The following HIVEP3 variants were observed in gnomAD, a reference collection of about 807,000 sequenced individuals.
HIVEP3 encodes transcription factor HIVEP3.
Under a neutral mutation model 152.8 loss-of-function variants are expected in HIVEP3, and 49 were observed. The observed-to-expected ratio is 0.32, with a 90% CI of 0.26 to 0.41. HIVEP3 has a LOEUF of 0.41. HIVEP3 is among the 10% of genes least tolerant of loss of function. HIVEP3 has a pLI of 1.00. For missense variants in HIVEP3, 2,790 were observed against 3,103.3 expected (o/e 0.90, Z 2.40); for synonymous variants, 1,269 against 1,289.0 (o/e 0.98, Z 0.33).
At chr1:41,879,500 G>A (rs1027609358) in intron 1 of HIVEP3, among the ~76,000 whole-genome samples, 1 of 152,148 alleles carries the variant, frequency 6.6e-6, no homozygotes, top group Non-Finnish European at 1.5e-5. Flanking sequence ...TTTCCTTATT[G>A]AAGCCAATTA....
At chr1:41,585,628 G>A (rs1253223450) in intron 3 of HIVEP3, among the ~76,000 whole-genome samples, 1 of 152,212 alleles carries the variant, frequency 6.6e-6, no homozygotes, top group Non-Finnish European at 1.5e-5. Context: ...CTGCAGGGTG[G>A]TTAGGGACAG....
chr1:41,879,372 G>A (rs1644225572), intron 1 of HIVEP3, among the ~76,000 whole-genome samples: 1 of 152,172 alleles, frequency 6.6e-6, no homozygotes, highest in South Asian at 2.1e-4. Flanking sequence ...ATCCCTATAA[G>A]GGTTGGTTTC....
chr1:41,809,791 A>G (rs1379192662), intron 1 of HIVEP3, among the ~76,000 whole-genome samples: 1 of 152,184 alleles, frequency 6.6e-6, no homozygotes, highest in Non-Finnish European at 1.5e-5. Flanking sequence ...ATGGGGAACA[A>G]GTGAATGGGA....
chr1:41,783,488 C>A (rs951137867), intron 1 of HIVEP3, among the ~76,000 whole-genome samples: 1 of 152,130 alleles, frequency 6.6e-6, no homozygotes, highest in African/African-American at 2.4e-5. Flanking sequence ...GGGAGGGAAG[C>A]AATGTGGCAT....
Position 41,510,680 on chromosome 1 carries a change from C to T in HIVEP3, c.6992G>A (p.Arg2331His), listed in dbSNP as rs150109831. Residue 2331 changes from arginine (R) to histidine (H), a missense_variant, in exon 9 of 9, where the codon CGC (arginine) becomes CAC (histidine). By Grantham distance (29) the Arg-to-His change is conservative. Around this residue, in one of 9 missense-constraint regions of HIVEP3, gnomAD observed 816 missense variants for 806.5 expected, o/e 1.01. Coordinates refer to ENST00000372583, the MANE Select transcript of HIVEP3 (RefSeq NM_024503.5). ...GGTCGGTGCACGCGGGGACTCCAAG[C>T]GGGGGCTCCAGGACTGCGCTGCCCG... ...GRRAAQSWSPRLESPRAPTNP... is the reference protein window; with the variant it reads ...GRRAAQSWSPHLESPRAPTNP... 4.2e-3 allele frequency: 6,325 copies of T among 1,522,860 alleles called. 131 individuals are homozygous for T. In the African/African-American group the frequency reaches 0.054, roughly 13 times the overall value. 94.3% of individuals were successfully genotyped at this position (1,522,860 alleles called of 1,614,324 possible). A position where few individuals can be genotyped will look rare whatever the true frequency, so the allele number is the denominator to read the frequency against.
At chr1:42,002,982 A>C (rs1645436952) in intron 1 of HIVEP3, among the ~76,000 whole-genome samples, 1 of 152,218 alleles carries the variant, frequency 6.6e-6, no homozygotes, top group South Asian at 2.1e-4. Context: ...ATTCAGTATT[A>C]TCTTTTAGAG....
intron 1 of HIVEP3, among the ~76,000 whole-genome samples, chr1:41,983,638 C>A (rs1645306402): frequency 6.6e-6 from 1 of 152,056 alleles, no homozygotes; most frequent in Admixed American, 6.5e-5. Flanking sequence ...CCTGAAGCCA[C>A]AAGTCACGCA....
intron 8 of HIVEP3, among the ~76,000 whole-genome samples, chr1:41,512,137 C>T (rs1018224946): frequency 6.6e-6 from 1 of 152,016 alleles, no homozygotes; most frequent in Non-Finnish European, 1.5e-5. Context: ...GGCCACACCC[C>T]TTGCAAGTGA....
intron 1 of HIVEP3, among the ~76,000 whole-genome samples, chr1:42,014,500 C>T (rs1461875632): frequency 6.6e-6 from 1 of 152,084 alleles, no homozygotes; most frequent in Non-Finnish European, 1.5e-5. Context: ...GACAACAGAG[C>T]ACAAATAAAG....
At chr1:41,800,919 A>G (rs1650264848) in intron 1 of HIVEP3, among the ~76,000 whole-genome samples, 1 of 152,158 alleles carries the variant, frequency 6.6e-6, no homozygotes, top group East Asian at 1.9e-4. Flanking sequence ...TTACCTGCCT[A>G]CCTAAACTCC....
chr1:41,991,868 C>T (rs1191471286), intron 1 of HIVEP3, among the ~76,000 whole-genome samples: 2 of 123,428 alleles, frequency 1.6e-5, no homozygotes, highest in Non-Finnish European at 1.7e-5. Flanking sequence ...AAATGTAATC[C>T]AGCATATAAA....
chr1:41,577,120 T>A (rs577524253), intron 4 of HIVEP3, among the ~76,000 whole-genome samples: 1 of 152,270 alleles, frequency 6.6e-6, no homozygotes, highest in African/African-American at 2.4e-5. Flanking sequence ...AGGAGGCTGG[T>A]TTGGGTGGCA....
chr1:41,830,900 G>A (rs896262751), intron 1 of HIVEP3, among the ~76,000 whole-genome samples: 1 of 152,242 alleles, frequency 6.6e-6, no homozygotes, highest in Middle Eastern at 3.4e-3. Context: ...ATCCCTACGC[G>A]TTCGTGACTC....
At chr1:41,932,012 G>A (rs991751034) in intron 1 of HIVEP3, among the ~76,000 whole-genome samples, 9 of 151,538 alleles carry the variant, frequency 5.9e-5, no homozygotes, top group African/African-American at 2.2e-4. Context: ...AGAACATCTT[G>A]CATTGTTTTT....
At chr1:41,936,228 C>G (rs934413729) in intron 1 of HIVEP3, among the ~76,000 whole-genome samples, 6 of 152,126 alleles carry the variant, frequency 3.9e-5, no homozygotes, top group African/African-American at 1.4e-4. Context: ...CAACCTATTG[C>G]AAGTCAAGAT....
intron 1 of HIVEP3, among the ~76,000 whole-genome samples, chr1:41,956,466 C>T (rs1246548471): frequency 6.6e-6 from 1 of 152,216 alleles, no homozygotes; most frequent in Admixed American, 6.5e-5. Flanking sequence ...GCACTTTCCA[C>T]CTAGGAATCT....
chr1:41,710,730 C>T (rs544264574), intron 1 of HIVEP3, among the ~76,000 whole-genome samples: 11 of 152,342 alleles, frequency 7.2e-5, no homozygotes, highest in Non-Finnish European at 1.5e-4. Flanking sequence ...TATTCCTGGG[C>T]ACTGGTGCTG....
intron 1 of HIVEP3, among the ~76,000 whole-genome samples, chr1:41,856,231 T>C (rs1004118579): frequency 1.3e-5 from 2 of 152,210 alleles, no homozygotes; most frequent in Non-Finnish European, 2.9e-5. Flanking sequence ...AAAATGCATC[T>C]GCAGCCAGAT....
At chr1:42,020,504 A>G (rs538561047) in intron 1 of HIVEP3, among the ~76,000 whole-genome samples, 41 of 152,210 alleles carry the variant, frequency 2.7e-4, no homozygotes, top group African/African-American at 9.4e-4. Context: ...AAAACTGTTC[A>G]TTATATCCTC....
Sources: gnomAD v4.1 joint callset for allele counts (sites outside exome capture counted in the v4.1 genomes callset) on GRCh38, gnomAD v4.1.1 for gene constraint, gnomAD v4.1.1 regional missense constraint, MANE v1.5 for transcripts, NCBI Gene and HGNC (gene_info 2026-07-23, HGNC 2026-07-21) for gene names.